Variants in SYNM observed in about 807,000 individuals in gnomAD.
The protein encoded by SYNM is desmuslin.
SYNM carries 95 observed loss-of-function variants against 104.0 expected under a neutral mutation model. The observed-to-expected ratio is 0.91, with a 90% confidence interval of 0.77 to 1.08. The LOEUF (loss-of-function observed/expected upper bound fraction) is 1.08. Among genes scored for constraint, SYNM ranks in the 50% least tolerant of loss-of-function variants. The pLI is 0.00. For synonymous variants in SYNM, 918 were observed against 869.0 expected, an observed-to-expected ratio of 1.06 and a Z score of -0.99; for missense variants, 2,150 against 2,052.2, an observed-to-expected ratio of 1.05 and a Z score of -0.92.
intron 2 of SYNM, among the ~76,000 whole-genome samples, chr15:99,120,417 CA>C (rs2067389223): frequency 1.3e-5 from 2 of 152,100 alleles, no homozygotes; most frequent in African/African-American, 2.4e-5. Context: ...AGGGAATGGC[CA>C]GGGGGAGGCC....
Position 99,121,312 on chromosome 15 carries a change from A to G in SYNM, c.936-5410A>G, listed in dbSNP as rs782333419. Among the ~76,000 whole-genome samples the G allele has an allele frequency of 2.0e-5, 3 of 151,890 alleles. No homozygotes were observed. In the South Asian group the frequency reaches 6.3e-4, roughly 32 times the overall value. On this transcript the variant is annotated intron_variant, in intron 2 of 3. Coordinates refer to ENST00000336292, the MANE Select transcript of SYNM (RefSeq NM_145728.3). ...GTGCTGGGGAGGCAGCTGCAGGCAG[A>G]GTGCAGGAGGCCTGCAGTGCTGGGG... is the stretch of plus-strand genomic sequence containing the variant.
intron 2 of SYNM, among the ~76,000 whole-genome samples, chr15:99,116,649 A>T (rs1313431252): frequency 7.0e-6 from 1 of 142,794 alleles, no homozygotes. Flanking sequence ...AGCGAGCAAG[A>T]GAGTGGGGAG....
In SYNM at chr15:99,105,116, C is replaced by A. The variant is rs1251210514; in HGVS notation, c.-84C>A. ...CTCCGGGGCAGCGGCGAGGCCGGAG[C>A]GTCGCGGCGGAGAGGACGAGACCGG... On this transcript the variant is annotated 5_prime_UTR_variant, in exon 1 of 4. Coordinates refer to ENST00000336292, the MANE Select transcript of SYNM (RefSeq NM_145728.3). The A allele has an allele frequency of 4.9e-6, 7 of 1,435,798 alleles. No individual in the cohort carries two copies. The highest frequency in any genetic ancestry group is 2.4e-4 in the Middle Eastern group (1 of 4,114). 88.9% of individuals were successfully genotyped at this position (1,435,798 alleles called of 1,614,324 possible). A position where few individuals can be genotyped will look rare whatever the true frequency, so the allele number is the denominator to read the frequency against.
downstream of SYNM, chr15:99,136,532 T>A (rs1231956286): frequency 6.6e-6 from 1 of 152,360 alleles, no homozygotes; most frequent in Admixed American, 6.5e-5. Flanking sequence ...CACTGTGTCC[T>A]CACATGGTGG....
Position 99,126,805 on chromosome 15 carries a change from T to C in SYNM, c.1006+13T>C, listed in dbSNP as rs781807657. ...AACATGCCGTCAGGTAAGTAAAAGC[T>C]AATGACTTGACTTAGCTTTAGGCAT... On this transcript the variant is annotated intron_variant, in intron 3 of 3. Transcript: ENST00000336292. The C allele has an allele frequency of 3.4e-5, 53 of 1,558,494 alleles. No homozygotes were observed. In the South Asian group the frequency reaches 5.4e-4, roughly 16 times the overall value.
At chr15:99,123,857 A>G (rs2067423994) in intron 2 of SYNM, among the ~76,000 whole-genome samples, 1 of 152,274 alleles carries the variant, frequency 6.6e-6, no homozygotes, top group South Asian at 2.1e-4. Flanking sequence ...CGGATTGTTC[A>G]GCAATTCCAT....
At chr15:99,139,646 G>T (rs905164005), downstream of SYNM, 2 of 1,475,618 alleles carry the variant, frequency 1.4e-6, no homozygotes, top group Non-Finnish European at 1.8e-6. Context: ...GCAAAAAATA[G>T]ATTTAAAAGT....
chr15:99,109,373 A>G (rs2067279832), intron 1 of SYNM, among the ~76,000 whole-genome samples: 1 of 152,192 alleles, frequency 6.6e-6, no homozygotes, highest in South Asian at 2.1e-4. Flanking sequence ...TCACCCTGCA[A>G]ACACGGAGAT....
chr15:99,130,522 C>A lies in SYNM; in HGVS notation c.2162C>A (p.Ser721Ter), dbSNP rs2067490337. The A allele has an allele frequency of 1.2e-6, 2 of 1,613,698 alleles. No homozygotes were observed. The highest frequency in any genetic ancestry group is 1.7e-6 in the Non-Finnish European group (2 of 1,179,874). The change falls in exon 4 of 4, where the codon TCA becomes TAA. Residue 721 changes from serine to a stop codon, truncating the protein, a stop_gained. Coordinates refer to ENST00000336292, the MANE Select transcript of SYNM (RefSeq NM_145728.3). LOFTEE classifies it high-confidence loss of function. Reference sequence around the variant, plus strand: ...AAGGAAGTGGGGCTGAAAGGCAAGTCAGCCGAGCAGATGATAGGAGACATC... The same window carrying A: ...AAGGAAGTGGGGCTGAAAGGCAAGTAAGCCGAGCAGATGATAGGAGACATC... ...DIKEVGLKGKSAEQMIGDIIN... is the reference protein window; with the variant it reads ...DIKEVGLKGK
downstream of SYNM, chr15:99,139,009 G>A: frequency 2.3e-6 from 1 of 431,404 alleles, no homozygotes; most frequent in Non-Finnish European, 4.3e-6. Context: ...AAGCAGGGCT[G>A]CAGGAGGCCA....
intron 1 of SYNM, among the ~76,000 whole-genome samples, chr15:99,112,132 T>C (rs945786340): frequency 1.3e-5 from 2 of 152,258 alleles, no homozygotes; most frequent in Non-Finnish European, 2.9e-5. Flanking sequence ...ATATTTATTA[T>C]GGACCCTCAG....
chr15:99,115,273 C>T (rs945013878), intron 2 of SYNM, among the ~76,000 whole-genome samples: 1 of 152,090 alleles, frequency 6.6e-6, no homozygotes. Context: ...AGTGGTGTCT[C>T]CTTCACAGGT....
At chr15:99,122,968 C>T (rs868939411) in intron 2 of SYNM, among the ~76,000 whole-genome samples, 1 of 152,166 alleles carries the variant, frequency 6.6e-6, no homozygotes, top group Non-Finnish European at 1.5e-5. Context: ...CCCTTGTTGA[C>T]TCATTTTAGT....
chr15:99,140,886 TA>T, the SYNM span: 1 of 152,190 alleles, frequency 6.6e-6, no homozygotes, highest in Non-Finnish European at 1.5e-5. Context: ...GAAGAATTCC[TA>T]TAAGGTAATG....
rs1555486404 is a variant in SYNM, at chr15:99,134,350, G to A, written c.*1292G>A. The A allele has an allele frequency of 6.6e-6, 1 of 151,960 alleles. No homozygotes were observed. Among genetic ancestry groups the A allele is most frequent in the Non-Finnish European group, 1.5e-5 (1 of 68,008 alleles). The allele number at this position is 151,960 out of a possible 1,614,324, so 9.4% of individuals were successfully genotyped here. A position where few individuals can be genotyped will look rare whatever the true frequency, so the allele number is the denominator to read the frequency against. On this transcript the variant is annotated 3_prime_UTR_variant, in exon 4 of 4. Transcript: ENST00000336292. ...TGGACCTGTAGATAGGCACCACCGA[G>A]TTTAAGATACTGGGATGAGCATGCT... is the stretch of plus-strand genomic sequence containing the variant.
At chr15:99,113,061 T>C (rs1177556153) in intron 1 of SYNM, among the ~76,000 whole-genome samples, 1 of 152,242 alleles carries the variant, frequency 6.6e-6, no homozygotes, top group African/African-American at 2.4e-5. Context: ...ATGCCCAGAA[T>C]GCATTTCTCC....
chr15:99,123,302 GGTT>G (rs1567279972), intron 2 of SYNM, among the ~76,000 whole-genome samples: 1 of 69,842 alleles, frequency 1.4e-5, no homozygotes, highest in Admixed American at 1.2e-4. Flanking sequence ...TTGATTATCT[GGTT>G]TTTTTTTTTT....
chr15:99,122,883 G>T (rs1401399983), intron 2 of SYNM, among the ~76,000 whole-genome samples: 1 of 152,176 alleles, frequency 6.6e-6, no homozygotes, highest in Non-Finnish European at 1.5e-5. Flanking sequence ...GGATCGACCA[G>T]TACCTTTGGT....
chr15:99,139,326 A>G, downstream of SYNM: 2 of 1,613,138 alleles, frequency 1.2e-6, no homozygotes, highest in East Asian at 2.2e-5. Context: ...CGTGGACAGC[A>G]TGCCCATGGC....
Sources: allele counts gnomAD v4.1 joint callset (sites outside exome capture counted in the v4.1 genomes callset), GRCh38; gene constraint gnomAD v4.1.1; transcripts MANE v1.5; gene names NCBI Gene and HGNC (gene_info 2026-07-23, HGNC 2026-07-21).